Variants in STK3 observed in about 807,000 individuals in gnomAD.
STK3 encodes the protein serine/threonine-protein kinase 3.
A neutral mutation model predicts 58.0 loss-of-function variants in STK3; 41 were observed. That is an observed-to-expected ratio of 0.71 (90% CI 0.55 to 0.92). The LOEUF is 0.92. Ranked by LOEUF, STK3 falls within the 40% of genes least tolerant of loss-of-function variation. STK3 has a pLI of 0.00. For missense variants in STK3, 479 were observed against 602.7 expected, an observed-to-expected ratio of 0.79 and a Z score of 2.15; for synonymous variants, 170 against 191.0, an observed-to-expected ratio of 0.89 and a Z score of 0.91.
At chr8:98,695,986 C>T (rs1824881790) in intron 6 of STK3, among the ~76,000 whole-genome samples, 1 of 152,022 alleles carries the variant, frequency 6.6e-6, no homozygotes, top group East Asian at 1.9e-4. Context: ...TTGATTCTTC[C>T]TACCCATGAG....
chr8:98,599,918 A>G lies in STK3; in HGVS notation c.685-3749T>C, dbSNP rs576149735. Among the ~76,000 whole-genome samples the G allele has an allele frequency of 1.1e-4, 17 of 152,314 alleles. No homozygotes were observed. The Middle Eastern group carries it at 0.014, about 122-fold the overall frequency. On this transcript the variant is annotated intron_variant, in intron 6 of 10. Coordinates refer to ENST00000419617, the MANE Select transcript of STK3 (RefSeq NM_006281.4). Reference sequence around the variant, plus strand: ...GGGAGATGGAGGTTACAACGAGCCAAGATCACGCCATTGCACTACAGCCTG... The same window carrying G: ...GGGAGATGGAGGTTACAACGAGCCAGGATCACGCCATTGCACTACAGCCTG...
chr8:98,363,418 G>A, the STK3 span, among the ~76,000 whole-genome samples: 10 of 152,258 alleles, frequency 6.6e-5, no homozygotes, highest in Middle Eastern at 3.4e-3. Flanking sequence ...AATGGACAAG[G>A]AAGAAGGGGC....
At chr8:98,553,476 C>CA (rs1811351888) in intron 8 of STK3, 1 of 151,938 alleles carries the variant, frequency 6.6e-6, no homozygotes, top group East Asian at 1.9e-4. Context: ...GAGGTAATGC[C>CA]AAAACACAGA....
At chr8:98,927,156 T>A (rs1839830474) in intron 1 of STK3, among the ~76,000 whole-genome samples, 1 of 152,228 alleles carries the variant, frequency 6.6e-6, no homozygotes, top group Non-Finnish European at 1.5e-5. Flanking sequence ...ACATTAGGCC[T>A]GTGGCTCAAT....
downstream of STK3, among the ~76,000 whole-genome samples, chr8:98,371,147 A>G (rs1441992822): frequency 6.6e-6 from 1 of 152,174 alleles, no homozygotes; most frequent in Non-Finnish European, 1.5e-5. Context: ...ACAAGACTTG[A>G]TCTTGTTATT....
At chr8:98,375,138 C>T (rs1817659773) in intron 2 of STK3, among the ~76,000 whole-genome samples, 1 of 151,598 alleles carries the variant, frequency 6.6e-6, no homozygotes, top group Admixed American at 6.6e-5. Context: ...GCCTGTAGTC[C>T]CTGCTACTTG....
intron 6 of STK3, among the ~76,000 whole-genome samples, chr8:98,648,864 C>G (rs1235004416): frequency 2.0e-5 from 3 of 150,938 alleles, no homozygotes; most frequent in African/African-American, 7.3e-5. Context: ...GCACTCCAGC[C>G]TGGGTGACAG....
chr8:98,864,830 A>G (rs77577423), intron 3 of STK3, among the ~76,000 whole-genome samples: 1 of 152,306 alleles, frequency 6.6e-6, no homozygotes, highest in Non-Finnish European at 1.5e-5. Context: ...TTCTATTACT[A>G]CTTTCATCTT....
intron 10 of STK3, among the ~76,000 whole-genome samples, chr8:98,518,332 C>T (rs532374827): frequency 6.6e-6 from 1 of 152,070 alleles, no homozygotes; most frequent in Admixed American, 6.6e-5. Context: ...TAGACACAAC[C>T]ACCAAATAAA....
intron 3 of STK3, among the ~76,000 whole-genome samples, chr8:98,761,268 G>C (rs1187083348): frequency 6.6e-6 from 1 of 151,818 alleles, no homozygotes; most frequent in Non-Finnish European, 1.5e-5. Context: ...GGGACTACAG[G>C]CACGTGCCAC....
chr8:98,823,558 A>T (rs1233384424), intron 1 of STK3, among the ~76,000 whole-genome samples: 2 of 152,216 alleles, frequency 1.3e-5, no homozygotes, highest in African/African-American at 2.4e-5. Flanking sequence ...AGCCTCATAT[A>T]ATAAGGAAAA....
intron 7 of STK3, among the ~76,000 whole-genome samples, chr8:98,580,719 C>G (rs13258214): frequency 0.24 from 36,371 of 152,112 alleles, 5,320 homozygotes; most frequent in East Asian, 0.46. Context: ...CTCAAGTGAT[C>G]CTCCCACCTC....
chr8:98,903,862 C>T (rs1319856535), intron 1 of STK3, among the ~76,000 whole-genome samples: 1 of 152,104 alleles, frequency 6.6e-6, no homozygotes, highest in Non-Finnish European at 1.5e-5. Flanking sequence ...CACAGGAAAA[C>T]CCTGATACCT....
chr8:98,641,244 T>C (rs545025810), intron 6 of STK3, among the ~76,000 whole-genome samples: 4 of 152,322 alleles, frequency 2.6e-5, no homozygotes, highest in Non-Finnish European at 5.9e-5. Flanking sequence ...CTCCTGCTAA[T>C]TGACTTTTGA....
intron 1 of STK3, among the ~76,000 whole-genome samples, chr8:98,384,258 C>T (rs1367523434): frequency 6.6e-6 from 1 of 152,200 alleles, no homozygotes; most frequent in African/African-American, 2.4e-5. Context: ...TTCTAAAGGA[C>T]ACCTAGGGGT....
intron 1 of STK3, among the ~76,000 whole-genome samples, chr8:98,441,670 A>C (rs907307165): frequency 1.1e-4 from 16 of 152,206 alleles, no homozygotes; most frequent in African/African-American, 3.6e-4. Flanking sequence ...TTGAGCATCC[A>C]CTATGTACTA....
chr8:98,568,799 A>C (rs1286261264), intron 8 of STK3, among the ~76,000 whole-genome samples: 2 of 152,212 alleles, frequency 1.3e-5, no homozygotes, highest in African/African-American at 4.8e-5. Flanking sequence ...AAAAGGAAAC[A>C]GAAAAGATAA....
At chr8:98,596,880 A>G (rs749512769) in intron 6 of STK3, among the ~76,000 whole-genome samples, 35 of 152,124 alleles carry the variant, frequency 2.3e-4, no homozygotes, top group African/African-American at 4.8e-4. Context: ...CCCAAGAAGT[A>G]GATTAAAAAA....
intron 6 of STK3, among the ~76,000 whole-genome samples, chr8:98,695,113 A>AT (rs1239028441): frequency 6.6e-6 from 1 of 152,078 alleles, no homozygotes; most frequent in Non-Finnish European, 1.5e-5. Context: ...GATGGTGAGC[A>AT]TTTTTTCATG....
Sources: allele counts gnomAD v4.1 joint callset (sites outside exome capture counted in the v4.1 genomes callset), GRCh38; gene constraint gnomAD v4.1.1; transcripts MANE v1.5; gene names NCBI Gene and HGNC (gene_info 2026-07-23, HGNC 2026-07-21).